Variants in CA6 observed in about 807,000 individuals in gnomAD.
CA6 encodes carbonic anhydrase 6.
Under a neutral mutation model 35.9 loss-of-function variants are expected in CA6, and 28 were observed. The observed-to-expected ratio is 0.78, with a 90% CI of 0.58 to 1.07. The LOEUF is 1.07. Among genes scored for constraint, CA6 ranks in the 50% least tolerant of loss-of-function variants. CA6 has a pLI of 0.00. For synonymous variants in CA6, 148 were observed against 152.6 expected (o/e 0.97, Z 0.22); for missense variants, 377 against 382.0 (o/e 0.99, Z 0.11).
chr1:8,947,497 G>C (rs942969), intron 1 of CA6, among the ~76,000 whole-genome samples: 109,509 of 151,924 alleles, frequency 0.72, 40,097 homozygotes, highest in African/African-American at 0.84. Context: ...TGTTCCTGAG[G>C]ACAGTGATCT....
Position 8,945,882 on chromosome 1 carries a change from G to A in CA6, c.-5G>A. 6.2e-7 allele frequency: 1 copy of A among 1,607,478 alleles called. No homozygotes were observed. The highest frequency in any genetic ancestry group is 8.5e-7 in the Non-Finnish European group (1 of 1,174,116). On this transcript the variant is annotated 5_prime_UTR_variant, in exon 1 of 8. Coordinates refer to ENST00000377443, the MANE Select transcript of CA6 (RefSeq NM_001215.4). Reference sequence around the variant, plus strand: ...AATCAGTCTTCATTACAGATGTGCAGCACCATGAGGGCCCTGGTGCTTCTG... The same window carrying A: ...AATCAGTCTTCATTACAGATGTGCAACACCATGAGGGCCCTGGTGCTTCTG...
In CA6 at chr1:8,967,723, C is replaced by T. The variant is rs774071742; in HGVS notation, c.636C>T (p.Tyr212=). ...QDMLPRNLQH[Y]YTYHGSLTTP... Reference sequence around the variant, plus strand: ...TGCTGCCCAGGAACCTCCAGCACTACTACACCTACCATGGCTCACTCACCA... The same window carrying T: ...TGCTGCCCAGGAACCTCCAGCACTATTACACCTACCATGGCTCACTCACCA... Residue 212 remains tyrosine (Y), a synonymous_variant, in exon 6 of 8, where the codon TAC becomes TAT. Transcript: ENST00000377443. 1.9e-6 allele frequency: 3 copies of T among 1,613,942 alleles called. No individual in the cohort carries two copies. Among genetic ancestry groups the T allele is most frequent in the South Asian group, 2.2e-5 (2 of 91,084 alleles).
chr1:8,967,945 G>T, intron 6 of CA6, 129 bp downstream of exon 6: 1 of 663,154 alleles, frequency 1.5e-6, no homozygotes, highest in Non-Finnish European at 2.4e-6. Flanking sequence ...CAGGGCTACT[G>T]TGCCTCGTCT....
chr1:8,970,287 GCTT>G (rs200104980), intron 6 of CA6, among the ~76,000 whole-genome samples: 1,967 of 150,188 alleles, frequency 0.013, 13 homozygotes, highest in Middle Eastern at 0.027. Flanking sequence ...ATATATTTCT[GCTT>G]CTTCTTTCTC....
chr1:8,971,189 G>A (rs576024936), intron 7 of CA6, among the ~76,000 whole-genome samples: 8 of 152,184 alleles, frequency 5.3e-5, no homozygotes, highest in South Asian at 2.1e-4. Flanking sequence ...TAGAACACAC[G>A]AGACAATCAG....
chr1:8,957,289 C>G lies in CA6; in HGVS notation c.408+4C>G. 1 of 1,607,426 alleles carries G rather than the reference C, an allele frequency of 6.2e-7. No homozygotes were observed. Among genetic ancestry groups the G allele is most frequent in the Non-Finnish European group, 8.5e-7 (1 of 1,175,836 alleles). On this transcript the variant is annotated splice_donor_region_variant and intron_variant, in intron 3 of 7. Transcript: ENST00000377443. ...CGGGATCAGACATGTGATCGAGGTACCTGAGGACCCCCACTGTGTCCTCTT... is the reference window on the plus strand; with the variant it reads ...CGGGATCAGACATGTGATCGAGGTAGCTGAGGACCCCCACTGTGTCCTCTT...
chr1:8,950,194 G>A (rs1038456057), intron 2 of CA6, among the ~76,000 whole-genome samples: 3 of 151,938 alleles, frequency 2.0e-5, no homozygotes, highest in Non-Finnish European at 2.9e-5. Flanking sequence ...TGTTGGCCAG[G>A]CTGGTCTGGA....
chr1:8,974,884 A>T lies in CA6; in HGVS notation c.*180A>T. On this transcript the variant is annotated 3_prime_UTR_variant, in exon 8 of 8. Coordinates refer to ENST00000377443, the MANE Select transcript of CA6 (RefSeq NM_001215.4). The stretch of plus-strand genomic sequence containing the variant: ...AAGAGGGGAAACGATCATCCTGGAC[A>T]GGAAGTGAGATGGCTTCAGTTCATG... The T allele has an allele frequency of 2.0e-6, 1 of 492,688 alleles. No individual in the cohort carries two copies. The highest frequency in any genetic ancestry group is 3.5e-6 in the Non-Finnish European group (1 of 281,908). 30.5% of individuals were successfully genotyped at this position (492,688 alleles called of 1,614,324 possible).
At position 8,974,654 on chromosome 1, in the gene CA6, C is replaced by G; in HGVS notation, c.877C>G (p.Leu293Val). 1 of 1,606,384 alleles carries G rather than the reference C, an allele frequency of 6.2e-7. No homozygotes were observed. Among genetic ancestry groups the G allele is most frequent in the East Asian group, 2.2e-5 (1 of 44,782 alleles). The change falls in exon 8 of 8, where the codon CTA becomes GTA. Residue 293 changes from leucine to valine, a missense_variant. Coordinates refer to ENST00000377443, the MANE Select transcript of CA6 (RefSeq NM_001215.4). ...YTLGSEFQFY[L>V]HKIEEILDYL... The stretch of plus-strand genomic sequence containing the variant: ...TCTAGGCTCTGAATTCCAGTTTTAC[C>G]TACATAAGATTGAGGAAATTCTTGA...
At chr1:8,958,357 G>A (rs1026925726) in intron 3 of CA6, among the ~76,000 whole-genome samples, 7 of 151,798 alleles carry the variant, frequency 4.6e-5, no homozygotes, top group Non-Finnish European at 8.8e-5. Flanking sequence ...TAGTAGAGAC[G>A]GGGTTTCGCC....
In CA6 at chr1:8,949,458, G is replaced by T. The variant is rs1392064671; in HGVS notation, c.259+16G>T. Reference sequence around the variant, plus strand: ...GGCCACACAGGTAAGAGGAAGGGGTGGTGAGGGGCTCCAGTCCATGGGCAG... The same window carrying T: ...GGCCACACAGGTAAGAGGAAGGGGTTGTGAGGGGCTCCAGTCCATGGGCAG... On this transcript the variant is annotated intron_variant, in intron 2 of 7. Transcript: ENST00000377443. 5.0e-6 allele frequency: 8 copies of T among 1,605,776 alleles called. No homozygotes were observed. Among genetic ancestry groups the T allele is most frequent in the Non-Finnish European group, 6.8e-6 (8 of 1,175,252 alleles).
chr1:8,949,679 C>T (rs904758311), intron 2 of CA6, among the ~76,000 whole-genome samples: 1 of 152,068 alleles, frequency 6.6e-6, no homozygotes, highest in Non-Finnish European at 1.5e-5. Flanking sequence ...CTTCCTGCAG[C>T]GTTATCCTCT....
intron 2 of CA6, chr1:8,951,735 C>T (rs1639542496): frequency 1.3e-6 from 1 of 748,112 alleles, no homozygotes; most frequent in Non-Finnish European, 2.4e-6. Flanking sequence ...GTCCGGAAGC[C>T]TGTTCCTTTG....
chr1:8,956,331 C>T (rs17032921), intron 2 of CA6, among the ~76,000 whole-genome samples: 37,806 of 152,012 alleles, frequency 0.25, 5,051 homozygotes, highest in African/African-American at 0.34. Flanking sequence ...AGTAACTGAG[C>T]CCGTTTTTTT....
intron 1 of CA6, among the ~76,000 whole-genome samples, chr1:8,948,740 T>G (rs1394967350): frequency 6.6e-6 from 1 of 151,936 alleles, no homozygotes; most frequent in Non-Finnish European, 1.5e-5. Flanking sequence ...GAGGCCAAGG[T>G]GGGTGGATCA....
intron 4 of CA6, among the ~76,000 whole-genome samples, chr1:8,960,939 A>G (rs1436688976): frequency 2.6e-5 from 4 of 152,232 alleles, no homozygotes; most frequent in Non-Finnish European, 2.9e-5. Context: ...CAAGTCTGAT[A>G]AATAAACCCC....
intron 1 of CA6, 52 bp downstream of exon 1, chr1:8,946,017 C>A: frequency 2.7e-6 from 3 of 1,108,884 alleles, no homozygotes; most frequent in South Asian, 1.3e-5. Flanking sequence ...ACCCTTACAA[C>A]AGGACAAGTG....
At chr1:8,949,106 T>C (rs12021579) in intron 1 of CA6, among the ~76,000 whole-genome samples, 157 bp from the exon 2 acceptor site, 4 of 152,222 alleles carry the variant, frequency 2.6e-5, no homozygotes, top group East Asian at 1.9e-4. Context: ...CTCGTTGTCT[T>C]TTTGGCCTCC....
At chr1:8,959,714 T>C (rs113229945) in intron 4 of CA6, among the ~76,000 whole-genome samples, 9,808 of 150,620 alleles carry the variant, frequency 0.065, 941 homozygotes, top group African/African-American at 0.21. Flanking sequence ...GATGGATCAC[T>C]TGGGGTCAGG....
Sources: allele counts gnomAD v4.1 joint callset (sites outside exome capture counted in the v4.1 genomes callset), GRCh38; gene constraint gnomAD v4.1.1; transcripts MANE v1.5; gene names NCBI Gene and HGNC (gene_info 2026-07-23, HGNC 2026-07-21).